Variants in SPOCK3 observed in about 807,000 individuals in gnomAD.
SPOCK3 encodes the protein SPARC (osteonectin), cwcv and kazal like domains proteoglycan 3, also known as testican-3.
A neutral mutation model predicts 56.6 loss-of-function variants in SPOCK3; 30 were observed. The observed-to-expected ratio is 0.53, with a 90% confidence interval of 0.40 to 0.72. SPOCK3 has a LOEUF of 0.72. Ranked by LOEUF, SPOCK3 falls within the 30% of genes least tolerant of loss-of-function variation. The pLI, the probability that SPOCK3 is intolerant of heterozygous loss-of-function variation, is 0.00. For synonymous variants in SPOCK3, 196 were observed against 183.3 expected (o/e 1.07, Z -0.56); for missense variants, 527 against 530.0 (o/e 0.99, Z 0.06).
chr4:166,762,499 T>C (rs1737379838), intron 7 of SPOCK3, among the ~76,000 whole-genome samples: 1 of 147,880 alleles, frequency 6.8e-6, no homozygotes, highest in Non-Finnish European at 1.5e-5. Flanking sequence ...GAAAGAGAGT[T>C]GGGTACAGCC....
chr4:166,919,835 C>T (rs978846764), intron 4 of SPOCK3, among the ~76,000 whole-genome samples: 43 of 152,232 alleles, frequency 2.8e-4, no homozygotes, highest in Admixed American at 7.9e-4. Flanking sequence ...GTATAGTTAT[C>T]ATCATTGAAA....
intron 4 of SPOCK3, among the ~76,000 whole-genome samples, chr4:166,957,227 G>A (rs898973514): frequency 6.6e-6 from 1 of 152,150 alleles, no homozygotes; most frequent in African/African-American, 2.4e-5. Flanking sequence ...ACTCCCGCAT[G>A]GGTGACAGAG....
chr4:167,194,585 G>T (rs534511535), intron 2 of SPOCK3, among the ~76,000 whole-genome samples: 1 of 152,158 alleles, frequency 6.6e-6, no homozygotes, highest in African/African-American at 2.4e-5. Context: ...GTTTCAGCAG[G>T]TAAAGACCTT....
At chr4:166,797,330 G>C (rs1292441843) in intron 6 of SPOCK3, among the ~76,000 whole-genome samples, 1 of 120,214 alleles carries the variant, frequency 8.3e-6, no homozygotes, top group Admixed American at 9.7e-5. Context: ...TTTAAACAAA[G>C]CTTTGATATT....
At chr4:166,938,295 G>T (rs1031869095) in intron 4 of SPOCK3, among the ~76,000 whole-genome samples, 2 of 152,098 alleles carry the variant, frequency 1.3e-5, no homozygotes, top group Admixed American at 1.3e-4. Flanking sequence ...CTTGGGAAGA[G>T]AAATTGATGT....
intron 4 of SPOCK3, among the ~76,000 whole-genome samples, chr4:166,983,626 T>G (rs1746826204): frequency 6.6e-6 from 1 of 152,202 alleles, no homozygotes; most frequent in African/African-American, 2.4e-5. Context: ...GAAGAGAGGA[T>G]TTTGAATGCT....
rs1217893824 is a variant in SPOCK3 at position 167,205,242 on chromosome 4, T to TTATATATTATATATATTTTATATCTATAA, written c.189+28714_189+28742dup. On this transcript the variant is annotated intron_variant, in intron 2 of 10. Transcript: ENST00000357545. ...ATATATTTTATATCTATAATACATA[T>TTATATATTATATATATTTTATATCTATAA]TATATATTATATATATTTTATATCT... is the stretch of plus-strand genomic sequence containing the variant. Among the ~76,000 whole-genome samples the TTATATATTATATATATTTTATATCTATAA allele has an allele frequency of 5.9e-4, 49 of 82,952 alleles. 1 individual carries two copies. The highest frequency in any genetic ancestry group is 9.0e-4 in the African/African-American group (18 of 20,046). 54.4% of individuals were successfully genotyped at this position (82,952 alleles called of 152,430 possible).
chr4:166,891,001 A>G (rs183544490), intron 5 of SPOCK3, among the ~76,000 whole-genome samples: 260 of 152,116 alleles, frequency 1.7e-3, no homozygotes, highest in Non-Finnish European at 2.9e-3. Flanking sequence ...CTTTACCACC[A>G]TGTAATGCCC....
intron 7 of SPOCK3, among the ~76,000 whole-genome samples, chr4:166,768,514 C>T (rs1458234216): frequency 6.6e-6 from 1 of 152,086 alleles, no homozygotes; most frequent in South Asian, 2.1e-4. Context: ...GAATATTGGC[C>T]CCCACTCTCT....
At chr4:166,926,036 AC>A (rs1423757041) in intron 4 of SPOCK3, among the ~76,000 whole-genome samples, 1 of 152,142 alleles carries the variant, frequency 6.6e-6, no homozygotes, top group Non-Finnish European at 1.5e-5. Context: ...TTACACAACC[AC>A]TTGAGTGAAT....
At chr4:167,116,943 A>AT (rs1561234826) in intron 2 of SPOCK3, among the ~76,000 whole-genome samples, 1 of 144,514 alleles carries the variant, frequency 6.9e-6, no homozygotes, top group Non-Finnish European at 1.5e-5. Flanking sequence ...ACTTTTGTGT[A>AT]TATGTATATA....
At chr4:166,797,429 A>T (rs2126675520) in intron 6 of SPOCK3, among the ~76,000 whole-genome samples, 2 of 151,878 alleles carry the variant, frequency 1.3e-5, no homozygotes, top group East Asian at 3.9e-4. Context: ...CATAATCTCA[A>T]AGAACTCTTT....
chr4:167,164,311 T>C (rs1393339399), intron 2 of SPOCK3, among the ~76,000 whole-genome samples: 2 of 152,162 alleles, frequency 1.3e-5, no homozygotes, highest in African/African-American at 4.8e-5. Context: ...AATGTGATTA[T>C]ATTACTCTGA....
At chr4:166,950,908 C>G (rs1310205335) in intron 4 of SPOCK3, among the ~76,000 whole-genome samples, 1 of 138,800 alleles carries the variant, frequency 7.2e-6, no homozygotes, top group Non-Finnish European at 1.5e-5. Context: ...ACACAACATA[C>G]CAGAATCTCT....
chr4:167,129,569 C>CT (rs146178967), intron 2 of SPOCK3, among the ~76,000 whole-genome samples: 115 of 151,116 alleles, frequency 7.6e-4, no homozygotes, highest in Admixed American at 1.1e-3. Flanking sequence ...CTGTTTCTTT[C>CT]TTTTTTTTTC....
chr4:166,956,469 A>G (rs1018470231), intron 4 of SPOCK3, among the ~76,000 whole-genome samples: 2 of 152,174 alleles, frequency 1.3e-5, no homozygotes, highest in South Asian at 2.1e-4. Context: ...ACAAATGGGT[A>G]AGTAGCACAT....
chr4:166,921,933 G>A (rs567993224), intron 4 of SPOCK3, among the ~76,000 whole-genome samples: 10 of 151,914 alleles, frequency 6.6e-5, no homozygotes, highest in South Asian at 2.1e-4. Context: ...AACGTACAAC[G>A]GGGGTCCCCA....
chr4:166,764,944 T>G (rs1223905148), intron 7 of SPOCK3, among the ~76,000 whole-genome samples: 1 of 152,174 alleles, frequency 6.6e-6, no homozygotes, highest in Non-Finnish European at 1.5e-5. Context: ...TGACCAGTGA[T>G]GATGAGCATT....
chr4:166,899,122 C>T (rs908988808), intron 5 of SPOCK3, among the ~76,000 whole-genome samples: 1 of 151,946 alleles, frequency 6.6e-6, no homozygotes, highest in African/African-American at 2.4e-5. Context: ...ACTCTCACAC[C>T]TTGGGCCACG....
Sources: gnomAD v4.1 joint callset for allele counts (sites outside exome capture counted in the v4.1 genomes callset) on GRCh38, gnomAD v4.1.1 for gene constraint, MANE v1.5 for transcripts, NCBI Gene and HGNC (gene_info 2026-07-23, HGNC 2026-07-21) for gene names.